The following SLIT3 variants were observed in gnomAD, a reference collection of about 807,000 sequenced individuals.
SLIT3 encodes slit homolog 3 protein.
SLIT3 carries 68 observed loss-of-function variants against 184.0 expected under a neutral mutation model. That is an observed-to-expected ratio of 0.37 (90% CI 0.30 to 0.45). The LOEUF (loss-of-function observed/expected upper bound fraction) is 0.45, where lower values mean the gene tolerates loss of function less well. SLIT3 is among the 20% of genes least tolerant of loss of function. The probability of loss-of-function intolerance (pLI) is 1.00; values close to 1 mark genes in which losing one functional copy is unlikely to be tolerated. For synonymous variants in SLIT3, 831 were observed against 828.6 expected (o/e 1.00, Z -0.05); for missense variants, 1,707 against 2,026.0 (o/e 0.84, Z 3.02).
At chr5:168,928,226 CTCA>C (rs1482658491) in intron 4 of SLIT3, among the ~76,000 whole-genome samples, 1 of 152,030 alleles carries the variant, frequency 6.6e-6, no homozygotes, top group Non-Finnish European at 1.5e-5. Context: ...TTAAAATTGG[CTCA>C]TATGTTAAAA....
chr5:169,064,022 T>C (rs1426138693), intron 4 of SLIT3, among the ~76,000 whole-genome samples: 2 of 152,220 alleles, frequency 1.3e-5, no homozygotes, highest in East Asian at 3.9e-4. Flanking sequence ...TTGGTTAATA[T>C]GATGTAATTA....
At chr5:168,776,626 C>A (rs1755757058) in intron 12 of SLIT3, among the ~76,000 whole-genome samples, 1 of 152,154 alleles carries the variant, frequency 6.6e-6, no homozygotes, top group Non-Finnish European at 1.5e-5. Flanking sequence ...GTCTTGTCTA[C>A]CCATCCTATC....
chr5:168,766,234 A>G (rs1755341248), intron 14 of SLIT3, among the ~76,000 whole-genome samples: 1 of 152,204 alleles, frequency 6.6e-6, no homozygotes, highest in South Asian at 2.1e-4. Context: ...TCATGTTTCC[A>G]GAGCTCTCCT....
intron 4 of SLIT3, among the ~76,000 whole-genome samples, chr5:169,041,995 G>A (rs1757462871): frequency 6.6e-6 from 1 of 152,106 alleles, no homozygotes; most frequent in Non-Finnish European, 1.5e-5. Flanking sequence ...TTCTAAAAAA[G>A]GCACTTCTCT....
At chr5:169,049,454 C>A (rs573042089) in intron 4 of SLIT3, among the ~76,000 whole-genome samples, 1 of 152,214 alleles carries the variant, frequency 6.6e-6, no homozygotes, top group South Asian at 2.1e-4. Context: ...ATGCCGTTAA[C>A]GTCTCTCCTG....
chr5:168,736,427 C>T (rs1763436754), intron 20 of SLIT3, among the ~76,000 whole-genome samples: 1 of 152,202 alleles, frequency 6.6e-6, no homozygotes, highest in African/African-American at 2.4e-5. Flanking sequence ...GCTGGAGGCA[C>T]ATTTCAGTCT....
intron 4 of SLIT3, among the ~76,000 whole-genome samples, chr5:169,156,948 A>T (rs527638165): frequency 6.6e-6 from 1 of 152,168 alleles, no homozygotes; most frequent in African/African-American, 2.4e-5. Flanking sequence ...TTTGCTTCAT[A>T]TATCTCCAAC....
intron 16 of SLIT3, among the ~76,000 whole-genome samples, chr5:168,755,389 A>ATTTATTTCTTTCTTTCTTTCTTTTC (rs1213373035): frequency 7.5e-6 from 1 of 133,640 alleles, no homozygotes; most frequent in Non-Finnish European, 1.7e-5. Flanking sequence ...CAGTGCCGCC[A>ATTTATTTCTTTCTTTCTTTCTTTTC]TTTCTTTCTT....
chr5:168,696,059 G>A (rs1196182976), intron 28 of SLIT3, among the ~76,000 whole-genome samples: 2 of 152,180 alleles, frequency 1.3e-5, no homozygotes, highest in African/African-American at 4.8e-5. Context: ...AGCAGCTAAA[G>A]AGCCTGGGAC....
intron 4 of SLIT3, among the ~76,000 whole-genome samples, chr5:168,958,617 T>G (rs774344045): frequency 2.0e-5 from 3 of 152,184 alleles, no homozygotes; most frequent in African/African-American, 2.4e-5. Context: ...ATATGACACT[T>G]CCACCTTTCA....
intron 5 of SLIT3, among the ~76,000 whole-genome samples, chr5:168,867,680 T>C (rs1377985645): frequency 6.6e-6 from 1 of 152,204 alleles, no homozygotes; most frequent in Non-Finnish European, 1.5e-5. Flanking sequence ...CCATGTGAGT[T>C]GGTTTTGGGA....
intron 1 of SLIT3, among the ~76,000 whole-genome samples, chr5:169,273,338 AG>A (rs1766693533): frequency 1.3e-5 from 2 of 152,284 alleles, no homozygotes; most frequent in Middle Eastern, 6.8e-3. Context: ...CATCTCAGAG[AG>A]AGAGATGATC....
intron 4 of SLIT3, among the ~76,000 whole-genome samples, chr5:169,078,862 T>C (rs1308939457): frequency 6.6e-6 from 1 of 152,264 alleles, no homozygotes; most frequent in African/African-American, 2.4e-5. Context: ...AGCTGTAGTC[T>C]AGGAAATATT....
chr5:168,746,894 TGTGGTGTGTGAGTGTG>T (rs1213923338), intron 20 of SLIT3, among the ~76,000 whole-genome samples: 2 of 58,958 alleles, frequency 3.4e-5, no homozygotes, highest in Non-Finnish European at 3.1e-5. Flanking sequence ...TGTGGTGGTG[TGTGGTGTGTGAGTGTG>T]GTGGTGTGGG....
chr5:169,042,798 G>C (rs1757491207), intron 4 of SLIT3, among the ~76,000 whole-genome samples: 2 of 152,142 alleles, frequency 1.3e-5, no homozygotes, highest in East Asian at 3.9e-4. Flanking sequence ...TTGGGATTCT[G>C]AACAGGTGTG....
chr5:168,828,085 G>A lies in SLIT3; in HGVS notation c.558-4754C>T, dbSNP rs75872370. On this transcript the variant is annotated intron_variant, in intron 6 of 35. Transcript: ENST00000519560. ...GCACATAACTGCTCGGAAAGAAGAG[G>A]GGTTTAGGTCAGAGGCATTCAAAAC... is the stretch of plus-strand genomic sequence containing the variant. Among the ~76,000 whole-genome samples the A allele has an allele frequency of 3.4e-3, 519 of 152,280 alleles. 1 individual carries two copies. The highest frequency in any genetic ancestry group is 0.012 in the African/African-American group (507 of 41,548).
chr5:169,006,823 G>A (rs1755951582), intron 4 of SLIT3, among the ~76,000 whole-genome samples: 1 of 152,116 alleles, frequency 6.6e-6, no homozygotes, highest in South Asian at 2.1e-4. Flanking sequence ...CTGGACATGA[G>A]AGTCGAGCCC....
At chr5:168,898,584 A>G (rs1760765565) in intron 4 of SLIT3, among the ~76,000 whole-genome samples, 1 of 152,246 alleles carries the variant, frequency 6.6e-6, no homozygotes, top group South Asian at 2.1e-4. Context: ...TTTTTTGGCC[A>G]CTGTTCAAAA....
chr5:168,911,726 A>C (rs1385479755), intron 4 of SLIT3, among the ~76,000 whole-genome samples: 1 of 152,198 alleles, frequency 6.6e-6, no homozygotes, highest in Non-Finnish European at 1.5e-5. Context: ...GAGCATAGCA[A>C]ATTCAGGTTC....
Sources: gnomAD v4.1 joint callset for allele counts (sites outside exome capture counted in the v4.1 genomes callset) on GRCh38, gnomAD v4.1.1 for gene constraint, MANE v1.5 for transcripts, NCBI Gene and HGNC (gene_info 2026-07-23, HGNC 2026-07-21) for gene names.